ASAP2: variants seen among roughly 807,000 people sequenced by gnomAD.
ASAP2 encodes arf-GAP with SH3 domain, ANK repeat and PH domain-containing protein 2.
Under a neutral mutation model 131.4 loss-of-function variants are expected in ASAP2, and 45 were observed. That is an observed-to-expected ratio of 0.34 (90% CI 0.27 to 0.44). The LOEUF is 0.44. ASAP2 is among the 20% of genes least tolerant of loss of function. The pLI is 1.00. For synonymous variants in ASAP2, 510 were observed against 503.0 expected (o/e 1.01, Z -0.19); for missense variants, 1,011 against 1,297.0 (o/e 0.78, Z 3.39).
intron 12 of ASAP2, among the ~76,000 whole-genome samples, chr2:9,354,645 C>CAAAAAAA (rs566781964): frequency 2.7e-5 from 2 of 74,014 alleles, no homozygotes; most frequent in South Asian, 4.1e-4. Context: ...GACTCCGTCT[C>CAAAAAAA]AAAAAAAAAA....
At position 9,259,877 on chromosome 2, in the gene ASAP2, C is replaced by T. The variant is rs760953884; in HGVS notation, c.127-19440C>T. ...CAGCTCCCTTGCACCCTGATGAGCC[C>T]CTGCAGTGTCCTGCATAGTCCTTGG... On this transcript the variant is annotated intron_variant, in intron 1 of 27. Coordinates refer to ENST00000281419, the MANE Select transcript of ASAP2 (RefSeq NM_003887.3). Among the ~76,000 whole-genome samples, 76 of 152,344 alleles carry T rather than the reference C, an allele frequency of 5.0e-4. No homozygotes were observed. In the Middle Eastern group the frequency reaches 0.01, roughly 20 times the overall value.
At chr2:9,394,515 A>G (rs1352304317) in intron 24 of ASAP2, among the ~76,000 whole-genome samples, 1 of 151,996 alleles carries the variant, frequency 6.6e-6, no homozygotes, top group Non-Finnish European at 1.5e-5. Flanking sequence ...GGTTCCTTTT[A>G]GTGGAAATGA....
intron 1 of ASAP2, among the ~76,000 whole-genome samples, chr2:9,225,716 T>A (rs1421653784): frequency 2.0e-5 from 3 of 152,024 alleles, no homozygotes; most frequent in Non-Finnish European, 4.4e-5. Context: ...CTGGAAAGGT[T>A]AGGGGCAGGG....
chr2:9,401,950 G>C (rs1483397297), intron 27 of ASAP2, among the ~76,000 whole-genome samples: 1 of 152,210 alleles, frequency 6.6e-6, no homozygotes, highest in African/African-American at 2.4e-5. Context: ...ACACAGTCTG[G>C]TGCAGGTGAT....
At chr2:9,208,769 C>A (rs1361082975) in intron 1 of ASAP2, among the ~76,000 whole-genome samples, 1 of 152,146 alleles carries the variant, frequency 6.6e-6, no homozygotes, top group South Asian at 2.1e-4. Context: ...TTAAAAAGCA[C>A]GGTGTTTTGA....
chr2:9,338,804 C>T (rs576505359), intron 9 of ASAP2, among the ~76,000 whole-genome samples: 170 of 152,318 alleles, frequency 1.1e-3, no homozygotes, highest in African/African-American at 4.0e-3. Flanking sequence ...GCAGTGTCTG[C>T]CCAGTGCGGG....
intron 1 of ASAP2, among the ~76,000 whole-genome samples, chr2:9,259,672 G>T (rs920123481): frequency 2.0e-5 from 3 of 152,266 alleles, no homozygotes; most frequent in African/African-American, 7.2e-5. Flanking sequence ...CTGGACCGCT[G>T]TTGGGAGTGT....
In ASAP2 at chr2:9,318,612, A is replaced by G. The variant is rs373096238; in HGVS notation, c.420+14A>G. The G allele has an allele frequency of 3.1e-6, 5 of 1,593,896 alleles. No individual in the cohort carries two copies. Among genetic ancestry groups the G allele is most frequent in the Admixed American group, 3.4e-5 (2 of 58,144 alleles). ...GGAGTGAAAGGGGTATGACATTGAC[A>G]CTGTGACACCAGGGGCAGCTTTTAC... On this transcript the variant is annotated intron_variant, in intron 4 of 27. Transcript: ENST00000281419.
At chr2:9,304,978 G>T (rs1668764691) in intron 3 of ASAP2, among the ~76,000 whole-genome samples, 1 of 149,500 alleles carries the variant, frequency 6.7e-6, no homozygotes, top group East Asian at 2.0e-4. Flanking sequence ...GTGGGGTATA[G>T]ATATTGGTGG....
intron 3 of ASAP2, among the ~76,000 whole-genome samples, chr2:9,300,194 C>G (rs1019456487): frequency 6.6e-6 from 1 of 152,230 alleles, no homozygotes; most frequent in Non-Finnish European, 1.5e-5. Context: ...CATCACGCCC[C>G]TGTACTCCAC....
At chr2:9,278,230 G>T (rs1666880657) in intron 1 of ASAP2, among the ~76,000 whole-genome samples, 2 of 152,124 alleles carry the variant, frequency 1.3e-5, no homozygotes, top group South Asian at 4.1e-4. Flanking sequence ...GCTTTTCTAT[G>T]TTGTTTAAGT....
chr2:9,324,662 A>G (rs569230002), intron 6 of ASAP2, among the ~76,000 whole-genome samples: 19 of 152,314 alleles, frequency 1.2e-4, no homozygotes, highest in Admixed American at 1.1e-3. Flanking sequence ...CCACTCATGC[A>G]GTGACCTCCC....
At chr2:9,353,812 A>G (rs1672508585) in intron 12 of ASAP2, among the ~76,000 whole-genome samples, 1 of 151,688 alleles carries the variant, frequency 6.6e-6, no homozygotes, top group Non-Finnish European at 1.5e-5. Flanking sequence ...TCCCATTCTC[A>G]TGAAGGTGGA....
At chr2:9,356,629 G>T (rs908715325) in intron 14 of ASAP2, among the ~76,000 whole-genome samples, 3 of 152,194 alleles carry the variant, frequency 2.0e-5, no homozygotes, top group Admixed American at 6.5e-5. Flanking sequence ...AAACTGAAGG[G>T]TACAGTGAGA....
intron 24 of ASAP2, chr2:9,398,753 G>C (rs1242224724): frequency 6.6e-6 from 1 of 150,672 alleles, no homozygotes; most frequent in African/African-American, 2.5e-5. Flanking sequence ...AGGTTGCAGT[G>C]AGCCGAGATT....
intron 24 of ASAP2, among the ~76,000 whole-genome samples, chr2:9,395,380 C>A (rs903206963): frequency 6.6e-6 from 1 of 151,856 alleles, no homozygotes; most frequent in African/African-American, 2.4e-5. Context: ...GAGGCTGAGG[C>A]AGGAGAATCC....
chr2:9,213,699 G>A (rs1401510174), intron 1 of ASAP2, among the ~76,000 whole-genome samples: 1 of 152,162 alleles, frequency 6.6e-6, no homozygotes, highest in African/African-American at 2.4e-5. Context: ...TCATTATTGT[G>A]TGCTAGTGGC....
Position 9,207,633 on chromosome 2 carries a change from AGCTCCGC to A in ASAP2, c.126+410_126+416del, listed in dbSNP as rs1434482084. On this transcript the variant is annotated intron_variant, in intron 1 of 27. Coordinates refer to ENST00000281419, the MANE Select transcript of ASAP2 (RefSeq NM_003887.3). This position sits in a 1 kb window ranked among gnomAD's most constrained non-coding sequence, Gnocchi z 4.1. ...GTTCTTGAAGTGGACCGGCGGGGGCAGCTCCGCGCTCCGAGCTCCCCGCCGCAGCCCC... is the reference window on the plus strand; with the variant it reads ...GTTCTTGAAGTGGACCGGCGGGGGCAGCTCCGAGCTCCCCGCCGCAGCCCC... 6.6e-6 allele frequency among the ~76,000 whole-genome samples: 1 copy of A among 151,698 alleles called. No homozygotes were observed. The highest frequency in any genetic ancestry group is 2.0e-4 in the East Asian group (1 of 5,112).
intron 2 of ASAP2, among the ~76,000 whole-genome samples, chr2:9,291,245 T>C (rs1667785626): frequency 6.6e-6 from 1 of 152,250 alleles, no homozygotes; most frequent in Non-Finnish European, 1.5e-5. Flanking sequence ...GATAGATTTC[T>C]GGAAGTGGGA....
Sources: allele counts gnomAD v4.1 joint callset (sites outside exome capture counted in the v4.1 genomes callset), GRCh38; gene constraint gnomAD v4.1.1; non-coding constraint Gnocchi (gnomAD v3.1); transcripts MANE v1.5; gene names NCBI Gene and HGNC (gene_info 2026-07-23, HGNC 2026-07-21).